Variants in NPAS3 observed in about 807,000 individuals in gnomAD.
The protein encoded by NPAS3 is neuronal PAS domain protein 3.
NPAS3 carries 14 observed loss-of-function variants against 73.1 expected under a neutral mutation model. The observed-to-expected ratio is 0.19, with a 90% CI of 0.13 to 0.30. The LOEUF is 0.30. Ranked by LOEUF, NPAS3 falls within the 10% of genes least tolerant of loss-of-function variation. The pLI is 1.00. For missense variants in NPAS3, 1,096 were observed against 1,250.0 expected, an observed-to-expected ratio of 0.88 and a Z score of 1.86; for synonymous variants, 620 against 541.5, an observed-to-expected ratio of 1.14 and a Z score of -2.01.
intron 6 of NPAS3, among the ~76,000 whole-genome samples, chr14:33,715,423 A>AT (rs2060930561): frequency 6.6e-6 from 1 of 152,106 alleles, no homozygotes; most frequent in African/African-American, 2.4e-5. Flanking sequence ...TTAAATCTAT[A>AT]TTAATTAAAT....
intron 4 of NPAS3, among the ~76,000 whole-genome samples, chr14:33,538,087 T>A (rs1338288695): frequency 6.6e-6 from 1 of 151,990 alleles, no homozygotes; most frequent in Non-Finnish European, 1.5e-5. Context: ...AATATATGAG[T>A]CCCTTTTGTG....
At chr14:33,215,061 A>C in intron 2 of NPAS3, 121 bp from the exon 3 acceptor site, 1 of 998,656 alleles carries the variant, frequency 1.0e-6, no homozygotes, top group Non-Finnish European at 1.5e-6. Flanking sequence ...GTCACTCTCT[A>C]GTTTTGAAAT....
At chr14:33,637,382 T>C (rs919932159) in intron 5 of NPAS3, among the ~76,000 whole-genome samples, 2 of 152,226 alleles carry the variant, frequency 1.3e-5, no homozygotes, top group Non-Finnish European at 2.9e-5. Flanking sequence ...AGAAAGTATA[T>C]ATGAATTTTG....
At chr14:33,132,692 A>G (rs1038380061) in intron 2 of NPAS3, among the ~76,000 whole-genome samples, 3 of 152,116 alleles carry the variant, frequency 2.0e-5, no homozygotes. Flanking sequence ...TTGATAGTAA[A>G]TGTCTTGTGC....
chr14:33,476,586 A>G (rs2139665718), intron 4 of NPAS3, among the ~76,000 whole-genome samples: 1 of 152,318 alleles, frequency 6.6e-6, no homozygotes, highest in African/African-American at 2.4e-5. Context: ...CCCAATTTAA[A>G]CATTTATGAG....
At chr14:33,517,667 CT>C (rs1236374046) in intron 4 of NPAS3, among the ~76,000 whole-genome samples, 5 of 152,116 alleles carry the variant, frequency 3.3e-5, no homozygotes, top group Middle Eastern at 3.4e-3. Flanking sequence ...CTCCTCACTC[CT>C]TCTTTGTGCT....
At chr14:33,198,262 G>C (rs1034376914) in intron 2 of NPAS3, among the ~76,000 whole-genome samples, 3 of 151,194 alleles carry the variant, frequency 2.0e-5, no homozygotes, top group African/African-American at 7.3e-5. Flanking sequence ...CAAGCAGTTT[G>C]CCCCTGCTGG....
At chr14:32,937,517 C>G (rs2035735281), upstream of NPAS3, among the ~76,000 whole-genome samples, 1 of 152,110 alleles carries the variant, frequency 6.6e-6, no homozygotes, top group Non-Finnish European at 1.5e-5. Context: ...GTCCATAACA[C>G]TCTCCACTCC....
chr14:33,620,848 G>C (rs1371459245), intron 5 of NPAS3, among the ~76,000 whole-genome samples: 4 of 152,110 alleles, frequency 2.6e-5, no homozygotes, highest in African/African-American at 9.7e-5. Context: ...ATCTAACAAA[G>C]GATGGTCCAG....
rs537190365 is a variant in NPAS3 at position 33,359,447 on chromosome 14, C to T, written c.386-7739C>T. Among the ~76,000 whole-genome samples, 3 of 152,294 alleles carry T rather than the reference C, an allele frequency of 2.0e-5. No individual in the cohort carries two copies. The South Asian group carries it at 6.2e-4, about 32-fold the overall frequency. On this transcript the variant is annotated intron_variant, in intron 3 of 11. Transcript: ENST00000356141. ...GTCTTCCTTTTACCAGCAACTGCAA[C>T]TGACACTGCACTATTTCAGTGGTAA...
At chr14:33,359,985 C>T (rs1017789542) in intron 3 of NPAS3, among the ~76,000 whole-genome samples, 22 of 152,194 alleles carry the variant, frequency 1.4e-4, no homozygotes, top group African/African-American at 5.1e-4. Context: ...ACTCAGAAAG[C>T]AGAGCACCTT....
At chr14:33,663,672 C>T (rs2059373016) in intron 5 of NPAS3, among the ~76,000 whole-genome samples, 1 of 152,000 alleles carries the variant, frequency 6.6e-6, no homozygotes, top group Non-Finnish European at 1.5e-5. Flanking sequence ...TCCGTCTGGT[C>T]CTGGGGTTTT....
chr14:33,079,850 G>T lies in NPAS3; in HGVS notation c.140+23856G>T, dbSNP rs370283619. 1.8e-4 allele frequency among the ~76,000 whole-genome samples: 27 copies of T among 151,572 alleles called. No homozygotes were observed. In the East Asian group the frequency reaches 3.0e-3, roughly 17 times the overall value. On this transcript the variant is annotated intron_variant, in intron 2 of 11. Transcript: ENST00000356141. ...TGGTCTCAAATTCCTGACCTCCAGT[G>T]ATCTGCCCCCCTCAGCCTCCCCAAG... is the stretch of plus-strand genomic sequence containing the variant.
At chr14:33,053,737 A>C (rs2040790167) in intron 1 of NPAS3, among the ~76,000 whole-genome samples, 1 of 152,172 alleles carries the variant, frequency 6.6e-6, no homozygotes. Flanking sequence ...ACAAGATGTA[A>C]ATGAAAATTA....
intron 4 of NPAS3, among the ~76,000 whole-genome samples, chr14:33,528,081 GA>G (rs1299453796): frequency 6.6e-6 from 1 of 151,944 alleles, no homozygotes; most frequent in Non-Finnish European, 1.5e-5. Flanking sequence ...CCCTTCAAGA[GA>G]AAAAATTCAT....
At chr14:33,408,966 C>T (rs2138860607) in intron 4 of NPAS3, among the ~76,000 whole-genome samples, 1 of 152,248 alleles carries the variant, frequency 6.6e-6, no homozygotes, top group Non-Finnish European at 1.5e-5. Flanking sequence ...TTTTTGGACA[C>T]AAATGCTTAA....
At chr14:33,353,460 T>G (rs2045176588) in intron 3 of NPAS3, among the ~76,000 whole-genome samples, 1 of 152,186 alleles carries the variant, frequency 6.6e-6, no homozygotes, top group South Asian at 2.1e-4. Flanking sequence ...TGGAGAACTT[T>G]TGCCATGGCA....
chr14:33,293,201 T>C (rs2042168103), intron 3 of NPAS3, among the ~76,000 whole-genome samples: 1 of 151,982 alleles, frequency 6.6e-6, no homozygotes. Flanking sequence ...TGATGAAAAA[T>C]CTTAAGATAT....
intron 7 of NPAS3, among the ~76,000 whole-genome samples, chr14:33,752,995 T>A (rs1198938754): frequency 1.3e-5 from 2 of 152,202 alleles, no homozygotes; most frequent in Non-Finnish European, 2.9e-5. Flanking sequence ...GATGCCCCAA[T>A]CTGTGCATTA....
Sources: gnomAD v4.1 joint callset for allele counts (sites outside exome capture counted in the v4.1 genomes callset) on GRCh38, gnomAD v4.1.1 for gene constraint, MANE v1.5 for transcripts, NCBI Gene and HGNC (gene_info 2026-07-23, HGNC 2026-07-21) for gene names.